The following KARS1 variants were observed in gnomAD, a reference collection of about 807,000 sequenced individuals.
KARS1 encodes the protein lysyl-tRNA synthetase 1.
In KARS1, 50 loss-of-function variants were observed where a neutral mutation model predicts 63.9. The observed-to-expected ratio is 0.78, with a 90% CI of 0.62 to 0.99. The LOEUF (loss-of-function observed/expected upper bound fraction) is 0.99, where lower values mean the gene tolerates loss of function less well. Among genes scored for constraint, KARS1 ranks in the 50% least tolerant of loss-of-function variants. KARS1 has a pLI of 0.00. For synonymous variants in KARS1, 320 were observed against 264.6 expected (o/e 1.21, Z -2.03); for missense variants, 816 against 754.5 (o/e 1.08, Z -0.95).
intron 1 of KARS1, among the ~76,000 whole-genome samples, chr16:75,644,828 T>C (rs1007183661): frequency 2.0e-5 from 3 of 152,168 alleles, no homozygotes; most frequent in Admixed American, 6.5e-5. Flanking sequence ...GGCCACAAGA[T>C]GGCAATAGGA....
chr16:75,635,853 G>C (rs1265445936), intron 5 of KARS1, 48 bp from the exon 6 acceptor site: 1 of 1,613,948 alleles, frequency 6.2e-7, no homozygotes, highest in Non-Finnish European at 8.5e-7. Context: ...CTGATCCAAA[G>C]GTATGATAAA....
At chr16:75,628,455 C>T (rs1190395162) in intron 13 of KARS1, 114 bp downstream of exon 13, 3 of 1,248,432 alleles carry the variant, frequency 2.4e-6, no homozygotes, top group East Asian at 2.4e-5. Context: ...TCTGCCTGCT[C>T]CTCTTCCCAG....
rs759241436 is a variant in KARS1, at chr16:75,631,152, G to A, written c.1338+16C>T. On this transcript the variant is annotated intron_variant, in intron 10 of 13. Coordinates refer to ENST00000302445, the MANE Select transcript of KARS1 (RefSeq NM_005548.3). ...CACCAGATGAGGACATGTACAAGAAGGCAGGGCCTTCTCACCTTGTCAAGG... is the reference window on the plus strand; with the variant it reads ...CACCAGATGAGGACATGTACAAGAAAGCAGGGCCTTCTCACCTTGTCAAGG... 6.2e-7 allele frequency: 1 copy of A among 1,606,310 alleles called. No homozygotes were observed. The highest frequency in any genetic ancestry group is 8.5e-7 in the Non-Finnish European group (1 of 1,173,564).
At position 75,634,218 on chromosome 16, in the gene KARS1, C is replaced by T; in HGVS notation, c.870G>A (p.Leu290=). The T allele has an allele frequency of 1.9e-6, 3 of 1,613,906 alleles. No homozygotes were observed. The highest frequency in any genetic ancestry group is 1.7e-6 in the Non-Finnish European group (2 of 1,179,840). The change falls in exon 7 of 14, where the codon CTG becomes CTA. Residue 290 remains leucine (L), a synonymous_variant. Coordinates refer to ENST00000302445, the MANE Select transcript of KARS1 (RefSeq NM_005548.3). ...CAATTCTCATATATAAGTTCATGTC[C>T]AGCTCGTTGTGATAAGTGATGAAAG... ...AKPFITYHNE[L]DMNLYMRIAP...
chr16:75,632,984 A>G (rs1002593170), intron 7 of KARS1, among the ~76,000 whole-genome samples: 1 of 152,068 alleles, frequency 6.6e-6, no homozygotes, highest in Non-Finnish European at 1.5e-5. Flanking sequence ...TGTTTACCCT[A>G]CCTCCATTAA....
At chr16:75,634,511 G>A (rs544762350) in intron 6 of KARS1, among the ~76,000 whole-genome samples, 2 of 152,270 alleles carry the variant, frequency 1.3e-5, no homozygotes, top group East Asian at 1.9e-4. Context: ...ATAGTACCAC[G>A]AACTTTCACA....
In KARS1 at chr16:75,640,240, T is replaced by C; in HGVS notation, c.332A>G (p.Lys111Arg). The change falls in exon 3 of 14, where the codon AAA becomes AGA. Residue 111 changes from lysine to arginine, a missense_variant. Physicochemically the swap from Lys to Arg is conservative, Grantham distance 26 (BLOSUM62 2). Coordinates refer to ENST00000302445, the MANE Select transcript of KARS1 (RefSeq NM_005548.3). The part of the protein sequence containing the change: ...VDISLTDFIQ[K>R]YSHLQPGDHL... ...ATCCCCAGGCTGCAGGTGACTATAT[T>C]TTTGGATGAAGTCAGTGAGTGAGAT... 6.2e-7 allele frequency: 1 copy of C among 1,613,986 alleles called. No individual in the cohort carries two copies. Among genetic ancestry groups the C allele is most frequent in the Non-Finnish European group, 8.5e-7 (1 of 1,179,918 alleles).
At chr16:75,636,826 G>A (rs977104640) in intron 3 of KARS1, among the ~76,000 whole-genome samples, 7 of 151,630 alleles carry the variant, frequency 4.6e-5, no homozygotes, top group African/African-American at 1.5e-4. Context: ...TTAAAGTAGA[G>A]AGGGGGTTTC....
Position 75,641,593 on chromosome 16 carries a change from C to T in KARS1, c.193G>A (p.Gly65Ser), listed in dbSNP as rs1407617034. The T allele has an allele frequency of 1.9e-6, 3 of 1,613,874 alleles. No homozygotes were observed. Among genetic ancestry groups the T allele is most frequent in the Admixed American group, 1.7e-5 (1 of 59,988 alleles). ...ATNHTTDNGVGPEEESVDPNQ... is the reference protein window; with the variant it reads ...ATNHTTDNGVSPEEESVDPNQ... Reference sequence around the variant, plus strand: ...GGGTCCACGCTCTCTTCCTCAGGACCCACACCATTATCAGTGGTGTGGTTG... The same window carrying T: ...GGGTCCACGCTCTCTTCCTCAGGACTCACACCATTATCAGTGGTGTGGTTG... Residue 65 changes from glycine (G) to serine (S), a missense_variant, in exon 2 of 14, where the codon GGT becomes AGT. Physicochemically the swap from Gly to Ser is moderately conservative, Grantham distance 56 (BLOSUM62 0). Coordinates refer to ENST00000302445, the MANE Select transcript of KARS1 (RefSeq NM_005548.3).
At chr16:75,640,048 T>C (rs536576282) in intron 3 of KARS1, 136 bp downstream of exon 3, 14 of 751,782 alleles carry the variant, frequency 1.9e-5, no homozygotes, top group Non-Finnish European at 3.1e-5. Flanking sequence ...ATAGATATAA[T>C]GGCACTGTCC....
chr16:75,635,783 T>C lies in KARS1; in HGVS notation c.692A>G (p.Tyr231Cys), dbSNP rs761711998. 3 of 1,614,130 alleles carry C rather than the reference T, an allele frequency of 1.9e-6. No individual in the cohort carries two copies. Among genetic ancestry groups the C allele is most frequent in the East Asian group, 4.5e-5 (2 of 44,902 alleles). Residue 231 changes from tyrosine to cysteine, a missense_variant, in exon 6 of 14, where the codon TAC (tyrosine) becomes TGC (cysteine). Tyr to Cys is a radical substitution (Grantham distance 194). Transcript: ENST00000302445. ...KDKETRYRQR[Y>C]LDLILNDFVR... ...AAAGTCATTCAGGATCAAGTCCAAGTATCTCTGGCGATACCTTGTTTCCTA... is the reference window on the plus strand; with the variant it reads ...AAAGTCATTCAGGATCAAGTCCAAGCATCTCTGGCGATACCTTGTTTCCTA...
intron 3 of KARS1, among the ~76,000 whole-genome samples, chr16:75,637,336 G>A (rs2082172909): frequency 6.6e-6 from 1 of 151,974 alleles, no homozygotes. Context: ...TGGGGTATGG[G>A]AGGGATCTGA....
chr16:75,628,793 G>T, intron 12 of KARS1, 81 bp from the exon 13 acceptor site: 1 of 1,447,288 alleles, frequency 6.9e-7, no homozygotes, highest in Non-Finnish European at 9.7e-7. Context: ...CAGGCTCCGA[G>T]GTGGGAGTAC....
intron 12 of KARS1, chr16:75,628,997 C>G (rs2082081358): frequency 8.0e-6 from 4 of 502,506 alleles, no homozygotes; most frequent in Non-Finnish European, 1.4e-5. Flanking sequence ...GGTTAATTCT[C>G]AGAGACTGTG....
chr16:75,637,468 G>C (rs1429809731), intron 3 of KARS1, among the ~76,000 whole-genome samples: 1 of 151,974 alleles, frequency 6.6e-6, no homozygotes, highest in African/African-American at 2.4e-5. Context: ...ATACAGGTGA[G>C]GGTTGCATTA....
At chr16:75,629,354 G>A (rs1187742889) in intron 12 of KARS1, 61 bp downstream of exon 12, 4 of 1,603,652 alleles carry the variant, frequency 2.5e-6, no homozygotes, top group African/African-American at 1.3e-5. Flanking sequence ...CACAGATCAG[G>A]GTTAAGGCTG....
intron 7 of KARS1, among the ~76,000 whole-genome samples, chr16:75,632,915 G>A (rs184896361): frequency 2.6e-4 from 39 of 152,278 alleles, no homozygotes; most frequent in African/African-American, 5.8e-4. Context: ...AGTTCTTACC[G>A]TACAGCATTA....
chr16:75,631,648 C>T lies in KARS1; in HGVS notation c.1078+45G>A, dbSNP rs1385274712. The T allele has an allele frequency of 2.5e-6, 4 of 1,613,674 alleles. No individual in the cohort carries two copies. In the African/African-American group the frequency reaches 5.3e-5, roughly 22 times the overall value. On this transcript the variant is annotated intron_variant, in intron 8 of 13. Transcript: ENST00000302445. ...AATCCAGGCAGCCCTCCTCTGAAAG[C>T]AGCATACCAACCACCCGATGAGTAT...
At chr16:75,644,571 G>A (rs753186963) in intron 1 of KARS1, 6 of 680,086 alleles carry the variant, frequency 8.8e-6, no homozygotes, top group Non-Finnish European at 1.4e-5. Flanking sequence ...CTACCTTTTA[G>A]TCCCATTTAA....
Sources: gnomAD v4.1 joint callset for allele counts (sites outside exome capture counted in the v4.1 genomes callset) on GRCh38, gnomAD v4.1.1 for gene constraint, MANE v1.5 for transcripts, NCBI Gene and HGNC (gene_info 2026-07-23, HGNC 2026-07-21) for gene names.